The following R3HDM2 variants were observed in gnomAD, a reference collection of about 807,000 sequenced individuals.
R3HDM2 encodes the protein R3H domain-containing protein 2.
A neutral mutation model predicts 124.5 loss-of-function variants in R3HDM2; 38 were observed. The observed-to-expected ratio is 0.31, with a 90% CI of 0.24 to 0.40. The LOEUF (loss-of-function observed/expected upper bound fraction) is 0.40. Ranked by LOEUF, R3HDM2 falls within the 10% of genes least tolerant of loss-of-function variation. The pLI, the probability that R3HDM2 is intolerant of heterozygous loss-of-function variation, is 1.00. For synonymous variants in R3HDM2, 391 were observed against 448.0 expected (o/e 0.87, Z 1.61); for missense variants, 869 against 1,236.9 (o/e 0.70, Z 4.46).
At chr12:57,291,364 C>A (rs144702622) in intron 11 of R3HDM2, among the ~76,000 whole-genome samples, 1 of 152,006 alleles carries the variant, frequency 6.6e-6, no homozygotes, top group East Asian at 1.9e-4. Context: ...TTAAAACTGA[C>A]CATCTTTTGC....
intron 2 of R3HDM2, among the ~76,000 whole-genome samples, chr12:57,330,123 T>C (rs1381508697): frequency 6.6e-6 from 1 of 151,592 alleles, no homozygotes. Context: ...TGCACTGACA[T>C]GCCTGGCTAG....
intron 1 of R3HDM2, among the ~76,000 whole-genome samples, chr12:57,420,312 T>C (rs574168174): frequency 6.6e-6 from 1 of 152,232 alleles, no homozygotes; most frequent in East Asian, 1.9e-4. Flanking sequence ...CAAAGTTTGT[T>C]TTTTCTCTCC....
At chr12:57,278,308 T>G (rs2045342149) in intron 14 of R3HDM2, among the ~76,000 whole-genome samples, 2 of 152,144 alleles carry the variant, frequency 1.3e-5, no homozygotes, top group Non-Finnish European at 2.9e-5. Flanking sequence ...AGATTGGGGT[T>G]TAGGGCCAGT....
intron 22 of R3HDM2, 129 bp from the exon 23 acceptor site, chr12:57,256,203 G>C (rs1442155696): frequency 3.0e-6 from 3 of 1,012,236 alleles, no homozygotes; most frequent in Non-Finnish European, 4.5e-6. Flanking sequence ...CAGTCAGGTT[G>C]GCCATGGAGC....
Position 57,392,148 on chromosome 12 carries a change from A to C in R3HDM2, c.-36+3601T>G, listed in dbSNP as rs560918839. Among the ~76,000 whole-genome samples the C allele has an allele frequency of 5.3e-5, 8 of 152,300 alleles. No individual in the cohort carries two copies. In the South Asian group the frequency reaches 1.7e-3, roughly 32 times the overall value. On this transcript the variant is annotated intron_variant, in intron 2 of 23. Transcript: ENST00000402412. ...ACTCCTATGCTCAAGTGATCCTCCT[A>C]CCTCAGGCCTCCCAAGTAGCTGAGA...
intron 2 of R3HDM2, among the ~76,000 whole-genome samples, chr12:57,368,942 G>A (rs571741924): frequency 3.3e-5 from 5 of 152,274 alleles, no homozygotes; most frequent in South Asian, 2.1e-4. Flanking sequence ...TCAGCAGGGC[G>A]AGGGCTGAGA....
intron 1 of R3HDM2, among the ~76,000 whole-genome samples, chr12:57,414,656 C>T (rs1454436715): frequency 2.6e-5 from 4 of 151,356 alleles, no homozygotes; most frequent in Admixed American, 1.3e-4. Flanking sequence ...GCCAACATGG[C>T]AAAACCCCAT....
chr12:57,408,294 T>C (rs770487342), intron 1 of R3HDM2, among the ~76,000 whole-genome samples: 1 of 152,190 alleles, frequency 6.6e-6, no homozygotes, highest in Non-Finnish European at 1.5e-5. Context: ...CTTGAACTCC[T>C]GACCTCAAGT....
chr12:57,361,819 G>A (rs1319268436), intron 2 of R3HDM2, among the ~76,000 whole-genome samples: 1 of 152,168 alleles, frequency 6.6e-6, no homozygotes, highest in Non-Finnish European at 1.5e-5. Flanking sequence ...GCAAAAGATG[G>A]TTTCATAATT....
In R3HDM2 at chr12:57,254,969, C is replaced by A; in HGVS notation, c.2777G>T (p.Gly926Val). 1 of 1,614,086 alleles carries A rather than the reference C, an allele frequency of 6.2e-7. No homozygotes were observed. Among genetic ancestry groups the A allele is most frequent in the Non-Finnish European group, 8.5e-7 (1 of 1,179,992 alleles). The change falls in exon 24 of 24, where the codon GGG becomes GTG. Residue 926 changes from glycine to valine, a missense_variant. Gly to Val is a moderately radical substitution (Grantham distance 109). Transcript: ENST00000402412. Reference sequence around the variant, plus strand: ...ATTCTCAGCAGTCCCACTGTTGTCCCCCCCACCCCCTCCAGGCAGCCCCTG... The same window carrying A: ...ATTCTCAGCAGTCCCACTGTTGTCCACCCCACCCCCTCCAGGCAGCCCCTG... ...DAQGLPGGGG[G>V]DNSGTAENGR...
chr12:57,423,690 T>C (rs2070424364), intron 1 of R3HDM2, among the ~76,000 whole-genome samples: 1 of 148,220 alleles, frequency 6.7e-6, no homozygotes. Flanking sequence ...CGGGCACCTG[T>C]AATCCCAGCT....
chr12:57,311,226 T>C (rs1354162771), intron 2 of R3HDM2, among the ~76,000 whole-genome samples: 4 of 150,498 alleles, frequency 2.7e-5, no homozygotes, highest in African/African-American at 7.3e-5. Flanking sequence ...TAAAATCTTA[T>C]ATATATATAT....
intron 3 of R3HDM2, among the ~76,000 whole-genome samples, chr12:57,304,863 T>C (rs973777638): frequency 1.3e-5 from 2 of 152,204 alleles, no homozygotes; most frequent in Admixed American, 1.3e-4. Flanking sequence ...AAGCTTAGTG[T>C]ATGTGTATAC....
intron 2 of R3HDM2, among the ~76,000 whole-genome samples, chr12:57,385,245 C>CTT (rs1162752283): frequency 5.7e-5 from 8 of 139,236 alleles, no homozygotes; most frequent in Non-Finnish European, 9.4e-5. Context: ...AACTTAAAGA[C>CTT]TTTTTTTTTT....
At chr12:57,379,407 C>G (rs2064538284) in intron 2 of R3HDM2, among the ~76,000 whole-genome samples, 1 of 151,844 alleles carries the variant, frequency 6.6e-6, no homozygotes, top group African/African-American at 2.4e-5. Context: ...ATGGAGAAAC[C>G]CTGTCTCTAC....
At chr12:57,315,823 A>G (rs182554933) in intron 2 of R3HDM2, among the ~76,000 whole-genome samples, 165 of 152,352 alleles carry the variant, frequency 1.1e-3, no homozygotes, top group African/African-American at 3.8e-3. Context: ...CCCACTTTTA[A>G]GAATTTAATC....
rs573300407 is a variant in R3HDM2, at chr12:57,262,571, C to A, written c.2132-3512G>T. Among the ~76,000 whole-genome samples the A allele has an allele frequency of 3.3e-5, 5 of 152,244 alleles. 1 individual carries two copies. The highest frequency in any genetic ancestry group is 3.4e-3 in the Middle Eastern group (1 of 294). ...TATTAATAAACCAGAACAGTTGTTC[C>A]AGGAACAGCTAATCCTAATCCCTGC... On this transcript the variant is annotated intron_variant, in intron 19 of 23. Coordinates refer to ENST00000402412, the MANE Select transcript of R3HDM2 (RefSeq NM_001394031.1).
intron 1 of R3HDM2, among the ~76,000 whole-genome samples, chr12:57,425,389 C>T (rs1239793169): frequency 6.6e-6 from 1 of 152,146 alleles, no homozygotes; most frequent in Non-Finnish European, 1.5e-5. Context: ...ATAGCAGATC[C>T]CCAATTCTTG....
intron 2 of R3HDM2, among the ~76,000 whole-genome samples, chr12:57,376,823 TG>T (rs2064125093): frequency 6.6e-6 from 1 of 151,678 alleles, no homozygotes; most frequent in East Asian, 1.9e-4. Flanking sequence ...TGGTGGCAAG[TG>T]CCTGTAATCC....
Sources: gnomAD v4.1 joint callset for allele counts (sites outside exome capture counted in the v4.1 genomes callset) on GRCh38, gnomAD v4.1.1 for gene constraint, MANE v1.5 for transcripts, NCBI Gene and HGNC (gene_info 2026-07-23, HGNC 2026-07-21) for gene names.